The following MYOCD variants were observed in gnomAD, a reference collection of about 807,000 sequenced individuals.
The protein encoded by MYOCD is myocardin.
A neutral mutation model predicts 96.1 loss-of-function variants in MYOCD; 32 were observed. That is an observed-to-expected ratio of 0.33 (90% CI 0.25 to 0.45). The LOEUF (loss-of-function observed/expected upper bound fraction) is 0.45, where lower values mean the gene tolerates loss of function less well. MYOCD is among the 20% of genes least tolerant of loss of function. The pLI is 1.00. For missense variants in MYOCD, 1,133 were observed against 1,200.6 expected (o/e 0.94, Z 0.83); for synonymous variants, 469 against 469.0 (o/e 1.00, Z 0.00).
chr17:12,704,572 A>G (rs1431543492), intron 1 of MYOCD, among the ~76,000 whole-genome samples: 1 of 152,210 alleles, frequency 6.6e-6, no homozygotes, highest in Non-Finnish European at 1.5e-5. Context: ...ACTACCACTT[A>G]TCAAAATGTC....
chr17:12,721,526 A>G (rs553194433), intron 4 of MYOCD, among the ~76,000 whole-genome samples: 1 of 151,972 alleles, frequency 6.6e-6, no homozygotes, highest in Admixed American at 6.6e-5. Flanking sequence ...AGGTGGGGAA[A>G]GGAAATAAGC....
chr17:12,673,347 C>G (rs920251437), intron 1 of MYOCD, among the ~76,000 whole-genome samples: 2 of 152,136 alleles, frequency 1.3e-5, no homozygotes, highest in African/African-American at 4.8e-5. Context: ...CATTTGTGTT[C>G]TCTTTCTGTC....
chr17:12,672,972 T>C (rs750978925), intron 1 of MYOCD, among the ~76,000 whole-genome samples: 5 of 152,196 alleles, frequency 3.3e-5, no homozygotes, highest in Non-Finnish European at 7.4e-5. Flanking sequence ...CCCCTTGGCC[T>C]CTTAAGTGGT....
intron 1 of MYOCD, among the ~76,000 whole-genome samples, chr17:12,674,007 A>G (rs1464655274): frequency 6.6e-6 from 1 of 150,678 alleles, no homozygotes; most frequent in Non-Finnish European, 1.5e-5. Context: ...CGTGTTACCA[A>G]ATATGACTCA....
intron 2 of MYOCD, among the ~76,000 whole-genome samples, chr17:12,707,662 A>C (rs530959922): frequency 2.0e-5 from 3 of 152,178 alleles, no homozygotes; most frequent in Admixed American, 2.0e-4. Flanking sequence ...TGCAGTGAGC[A>C]GAGATCGCGC....
chr17:12,707,150 T>C (rs2031318343), intron 2 of MYOCD, among the ~76,000 whole-genome samples: 1 of 152,136 alleles, frequency 6.6e-6, no homozygotes, highest in African/African-American at 2.4e-5. Flanking sequence ...CAATCAGAGA[T>C]TAAACATGCA....
In MYOCD at chr17:12,768,315, A is replaced by G. The variant is rs1567608590; in HGVS notation, c.*4671A>G. The stretch of plus-strand genomic sequence containing the variant: ...CTACCCATGGGGAGACGATTTCAAG[A>G]CAGGATGAGATCTGGGAAGAATTTT... On this transcript the variant is annotated 3_prime_UTR_variant, in exon 14 of 14. Coordinates refer to ENST00000425538, the MANE Select transcript of MYOCD (RefSeq NM_001146312.3). 1 of 152,202 alleles carries G rather than the reference A, an allele frequency of 6.6e-6. No homozygotes were observed. Among genetic ancestry groups the G allele is most frequent in the African/African-American group, 2.4e-5 (1 of 41,456 alleles). 9.4% of individuals were successfully genotyped at this position (152,202 alleles called of 1,614,324 possible).
chr17:12,736,216 C>G lies in MYOCD; in HGVS notation c.471C>G (p.Ser157Arg). The G allele has an allele frequency of 1.2e-6, 2 of 1,614,178 alleles. No homozygotes were observed. Among genetic ancestry groups the G allele is most frequent in the Non-Finnish European group, 8.5e-7 (1 of 1,180,026 alleles). ...ATGCTTTTGCCTTTGAAGAGGACAGCAGCAGCGATGGGCTTTCTCCGGATC... is the reference window on the plus strand; with the variant it reads ...ATGCTTTTGCCTTTGAAGAGGACAGGAGCAGCGATGGGCTTTCTCCGGATC... ...STDAFAFEED[S>R]SSDGLSPDQT... Residue 157 changes from serine (S) to arginine (R), a missense_variant, in exon 6 of 14, where the codon AGC becomes AGG. Physicochemically the swap from Ser to Arg is moderately radical, Grantham distance 110. Coordinates refer to ENST00000425538, the MANE Select transcript of MYOCD (RefSeq NM_001146312.3).
intron 12 of MYOCD, among the ~76,000 whole-genome samples, chr17:12,759,333 C>G (rs1277996505): frequency 1.3e-5 from 2 of 152,208 alleles, no homozygotes; most frequent in Non-Finnish European, 2.9e-5. Context: ...TGCTGCGAGA[C>G]AACAATTGCC....
At position 12,764,519 on chromosome 17, in the gene MYOCD, C is replaced by T. The variant is rs77787883; in HGVS notation, c.*875C>T. The T allele has an allele frequency of 0.019, 2,871 of 152,318 alleles. 57 individuals are homozygous for T. Among genetic ancestry groups the T allele is most frequent in the Non-Finnish European group, 0.029 (1,973 of 68,070 alleles). The allele number at this position is 152,318 out of a possible 1,614,324, so 9.4% of individuals were successfully genotyped here. On this transcript the variant is annotated 3_prime_UTR_variant, in exon 14 of 14. Transcript: ENST00000425538. ...TGACCACATTGGTAGAAGTATATCT[C>T]GAGGCACAGGAAGGGAGCCCCACCA...
At chr17:12,668,839 C>A (rs557213512) in intron 1 of MYOCD, among the ~76,000 whole-genome samples, 1 of 151,606 alleles carries the variant, frequency 6.6e-6, no homozygotes, top group African/African-American at 2.4e-5. Flanking sequence ...AATGCCCAGG[C>A]CTTAGAAGGC....
chr17:12,750,553 G>A (rs1229721842), intron 9 of MYOCD, among the ~76,000 whole-genome samples: 1 of 152,012 alleles, frequency 6.6e-6, no homozygotes, highest in African/African-American at 2.4e-5. Flanking sequence ...GCCCGGTGTG[G>A]TGGTGCGTGC....
intron 6 of MYOCD, among the ~76,000 whole-genome samples, chr17:12,736,803 C>T (rs543987338): frequency 3.2e-4 from 48 of 152,176 alleles, no homozygotes; most frequent in Non-Finnish European, 5.3e-4. Flanking sequence ...GGGAGGCCCA[C>T]GTTGCTTCTG....
intron 6 of MYOCD, among the ~76,000 whole-genome samples, chr17:12,736,960 A>G (rs1009394598): frequency 1.3e-5 from 2 of 152,240 alleles, no homozygotes; most frequent in African/African-American, 4.8e-5. Flanking sequence ...TATAAAGAAT[A>G]ATGATGATTA....
chr17:12,685,482 T>C (rs7224232), intron 1 of MYOCD, among the ~76,000 whole-genome samples: 19,695 of 151,892 alleles, frequency 0.13, 2,028 homozygotes, highest in African/African-American at 0.29. Flanking sequence ...GGTGCATGCC[T>C]GTAGTCCCAG....
At chr17:12,708,836 T>TAG (rs2031388500) in intron 2 of MYOCD, among the ~76,000 whole-genome samples, 1 of 152,200 alleles carries the variant, frequency 6.6e-6, no homozygotes, top group African/African-American at 2.4e-5. Flanking sequence ...AACCTGTGTC[T>TAG]CCTGATCCCC....
chr17:12,752,597 T>C lies in MYOCD; in HGVS notation c.1309T>C (p.Ser437Pro). The C allele has an allele frequency of 6.2e-7, 1 of 1,614,120 alleles. No homozygotes were observed. The highest frequency in any genetic ancestry group is 8.5e-7 in the Non-Finnish European group (1 of 1,180,026). Residue 437 changes from serine to proline, a missense_variant, in exon 10 of 14, where the codon TCT (serine) becomes CCT (proline). By Grantham distance (74) the Ser-to-Pro change is moderately conservative (BLOSUM62 -1). Coordinates refer to ENST00000425538, the MANE Select transcript of MYOCD (RefSeq NM_001146312.3). ...CACGCTGCCCAATTACCAGTCTTCC[T>C]CTTCTACCAGTGCCCTGTCCAACGG... The part of the protein sequence containing the change: ...PNTLPNYQSS[S>P]STSALSNGFY...
Position 12,763,682 on chromosome 17 carries a change from G to A in MYOCD, c.*38G>A. 6 of 1,514,322 alleles carry A rather than the reference G, an allele frequency of 4.0e-6. No homozygotes were observed. In the South Asian group the frequency reaches 4.9e-5, roughly 12 times the overall value. The allele number at this position is 1,514,322 out of a possible 1,614,324, so 93.8% of individuals were successfully genotyped here. A position where few individuals can be genotyped will look rare whatever the true frequency, so the allele number is the denominator to read the frequency against. The stretch of plus-strand genomic sequence containing the variant: ...ACCAGTGCTATGGAAGACCAATGGA[G>A]TTCCATGGGGGAAAGCACACAGCCA... On this transcript the variant is annotated 3_prime_UTR_variant, in exon 14 of 14. Transcript: ENST00000425538.
At chr17:12,718,115 C>T (rs1597776891) in intron 4 of MYOCD, among the ~76,000 whole-genome samples, 1 of 152,146 alleles carries the variant, frequency 6.6e-6, no homozygotes, top group Non-Finnish European at 1.5e-5. Flanking sequence ...TCCTTGAACA[C>T]ACACTGTATT....
Sources: gnomAD v4.1 joint callset for allele counts (sites outside exome capture counted in the v4.1 genomes callset) on GRCh38, gnomAD v4.1.1 for gene constraint, MANE v1.5 for transcripts, NCBI Gene and HGNC (gene_info 2026-07-23, HGNC 2026-07-21) for gene names.